The following CNTNAP5 variants were observed in gnomAD, a reference collection of about 807,000 sequenced individuals.
The protein encoded by CNTNAP5 is contactin-associated protein-like 5.
CNTNAP5 carries 72 observed loss-of-function variants against 150.2 expected under a neutral mutation model. The ratio of observed to expected loss-of-function variants is 0.48; its 90% CI spans 0.40 to 0.58. The LOEUF (loss-of-function observed/expected upper bound fraction) is 0.58. Ranked by LOEUF, CNTNAP5 falls within the 20% of genes least tolerant of loss-of-function variation. The pLI is 0.00. For missense variants in CNTNAP5, 1,636 were observed against 1,626.2 expected (o/e 1.01, Z -0.10); for synonymous variants, 672 against 619.8 (o/e 1.08, Z -1.25).
intron 3 of CNTNAP5, among the ~76,000 whole-genome samples, chr2:124,266,865 C>T (rs567340798): frequency 6.6e-5 from 10 of 152,124 alleles, no homozygotes; most frequent in African/African-American, 2.4e-4. Context: ...AAGACAGCAT[C>T]TTGTTTGCCT....
chr2:124,227,408 C>T (rs1337023890), intron 2 of CNTNAP5, among the ~76,000 whole-genome samples: 1 of 152,148 alleles, frequency 6.6e-6, no homozygotes, highest in Non-Finnish European at 1.5e-5. Context: ...CCAGATTTTA[C>T]ACACACACTC....
At chr2:124,502,916 A>C (rs2104861681) in intron 7 of CNTNAP5, among the ~76,000 whole-genome samples, 1 of 152,316 alleles carries the variant, frequency 6.6e-6, no homozygotes, top group Non-Finnish European at 1.5e-5. Flanking sequence ...GCTTTTGCTA[A>C]GTTATTTATT....
rs1647854903 is a variant in CNTNAP5, at chr2:124,920,091, TC to T, written c.*5805del. Among the ~76,000 whole-genome samples the T allele has an allele frequency of 6.6e-6, 1 of 152,110 alleles. No homozygotes were observed. Among genetic ancestry groups the T allele is most frequent in the African/African-American group, 2.4e-5 (1 of 41,434 alleles). On this transcript the variant is annotated 3_prime_UTR_variant, in exon 24 of 24. Transcript: ENST00000682447. Reference sequence around the variant, plus strand: ...GGGAACACTATTTTTTCTCAGTCCTTCCAGTTGACACAAGGAAACCCTTTAT... The same window carrying T: ...GGGAACACTATTTTTTCTCAGTCCTTCAGTTGACACAAGGAAACCCTTTAT...
intron 8 of CNTNAP5, among the ~76,000 whole-genome samples, chr2:124,513,936 G>A (rs1448820542): frequency 6.6e-6 from 1 of 152,164 alleles, no homozygotes; most frequent in African/African-American, 2.4e-5. Flanking sequence ...GCCACCATCT[G>A]CACATCAAGT....
chr2:124,881,736 A>G (rs571877755), intron 21 of CNTNAP5, among the ~76,000 whole-genome samples: 12 of 152,048 alleles, frequency 7.9e-5, no homozygotes, highest in African/African-American at 2.9e-4. Context: ...CCTGACTTGT[A>G]TTTCTTATCT....
chr2:124,476,946 A>G (rs184149858), intron 7 of CNTNAP5, among the ~76,000 whole-genome samples: 2 of 152,252 alleles, frequency 1.3e-5, no homozygotes, highest in African/African-American at 4.8e-5. Flanking sequence ...CAGCATACTT[A>G]AAACAGATCA....
intron 1 of CNTNAP5, among the ~76,000 whole-genome samples, chr2:124,176,188 G>A (rs78475301): frequency 0.015 from 2,311 of 152,244 alleles, 70 homozygotes; most frequent in African/African-American, 0.053. Context: ...CATGCTGTGC[G>A]TGCTCCCTAG....
intron 10 of CNTNAP5, among the ~76,000 whole-genome samples, chr2:124,562,571 T>C (rs537996241): frequency 1.1e-4 from 16 of 152,348 alleles, no homozygotes; most frequent in African/African-American, 2.9e-4. Context: ...ATTCTAATTA[T>C]ATAAATATTT....
chr2:124,359,007 T>G (rs1281842033), intron 3 of CNTNAP5, among the ~76,000 whole-genome samples: 1 of 150,674 alleles, frequency 6.6e-6, no homozygotes, highest in Non-Finnish European at 1.5e-5. Flanking sequence ...ATTCAGAGAT[T>G]CAACTTCTTC....
At chr2:124,837,173 T>C (rs888578608) in intron 19 of CNTNAP5, among the ~76,000 whole-genome samples, 1 of 148,280 alleles carries the variant, frequency 6.7e-6, no homozygotes, top group Non-Finnish European at 1.5e-5. Flanking sequence ...TTCCAGAGTA[T>C]GACTATCAAA....
At chr2:124,417,808 A>T (rs1691964762) in intron 4 of CNTNAP5, among the ~76,000 whole-genome samples, 2 of 152,338 alleles carry the variant, frequency 1.3e-5, no homozygotes, top group South Asian at 4.1e-4. Flanking sequence ...TAAAGGCTCA[A>T]TGAAACATTC....
intron 3 of CNTNAP5, among the ~76,000 whole-genome samples, chr2:124,307,417 C>T (rs530435512): frequency 1.8e-4 from 27 of 152,230 alleles, no homozygotes; most frequent in African/African-American, 1.7e-4. Context: ...TGGGGAAGGA[C>T]GCTAACCTAC....
At chr2:124,743,060 G>A (rs529426603) in intron 13 of CNTNAP5, among the ~76,000 whole-genome samples, 1 of 152,182 alleles carries the variant, frequency 6.6e-6, no homozygotes, top group East Asian at 1.9e-4. Flanking sequence ...GGCAGCTGGG[G>A]GATAGACAGA....
chr2:124,037,741 A>G (rs2104628037), intron 1 of CNTNAP5, among the ~76,000 whole-genome samples: 1 of 152,312 alleles, frequency 6.6e-6, no homozygotes, highest in Non-Finnish European at 1.5e-5. Context: ...GAAAGGCGGA[A>G]TAAGTTCTAG....
chr2:124,137,207 T>A (rs1438346486), intron 1 of CNTNAP5, among the ~76,000 whole-genome samples: 1 of 152,042 alleles, frequency 6.6e-6, no homozygotes, highest in Non-Finnish European at 1.5e-5. Context: ...TAACATAGGG[T>A]GTGTGAGGGA....
At chr2:124,674,636 C>T (rs72845073) in intron 13 of CNTNAP5, among the ~76,000 whole-genome samples, 3,196 of 148,690 alleles carry the variant, frequency 0.021, 44 homozygotes, top group Middle Eastern at 0.035. Context: ...AATAGATTTT[C>T]CTCTAGGCCT....
chr2:124,195,239 C>T (rs1685555754), intron 1 of CNTNAP5, among the ~76,000 whole-genome samples: 1 of 152,166 alleles, frequency 6.6e-6, no homozygotes, highest in Non-Finnish European at 1.5e-5. Context: ...GCAGGGAGAG[C>T]AGACGTGACC....
chr2:124,680,327 A>G (rs1679036986), intron 13 of CNTNAP5, among the ~76,000 whole-genome samples: 1 of 151,848 alleles, frequency 6.6e-6, no homozygotes, highest in Non-Finnish European at 1.5e-5. Flanking sequence ...ACTTCTCAAA[A>G]CAGTGCATGT....
chr2:124,184,459 G>A (rs1480703334), intron 1 of CNTNAP5, among the ~76,000 whole-genome samples: 1 of 152,110 alleles, frequency 6.6e-6, no homozygotes, highest in Non-Finnish European at 1.5e-5. Context: ...CGCAAATCTT[G>A]CATGGGACAT....
Sources: gnomAD v4.1 joint callset for allele counts (sites outside exome capture counted in the v4.1 genomes callset) on GRCh38, gnomAD v4.1.1 for gene constraint, MANE v1.5 for transcripts, NCBI Gene and HGNC (gene_info 2026-07-23, HGNC 2026-07-21) for gene names.